Variants in MTRFR observed in about 807,000 individuals in gnomAD.
MTRFR encodes probable peptide chain release factor C12orf65, mitochondrial.
A neutral mutation model predicts 11.9 loss-of-function variants in MTRFR; 10 were observed. The ratio of observed to expected loss-of-function variants is 0.84; its 90% CI spans 0.52 to 1.42. MTRFR has a LOEUF of 1.42. Among genes scored for constraint, MTRFR ranks in the 40% most tolerant of loss-of-function variants. The pLI, the probability that MTRFR is intolerant of heterozygous loss-of-function variation, is 0.00. For missense variants in MTRFR, 196 were observed against 197.9 expected (o/e 0.99, Z 0.06); for synonymous variants, 77 against 79.1 (o/e 0.97, Z 0.14).
At chr12:123,250,579 A>G (rs763099029) in intron 1 of MTRFR, 3 of 152,190 alleles carry the variant, frequency 2.0e-5, no homozygotes, top group Non-Finnish European at 4.4e-5. Flanking sequence ...CCCTTTTCCT[A>G]TGGATGTGGC....
rs544105176 is a variant in MTRFR at position 123,244,930 on chromosome 12, ATTTTTTTTTT to A, written c.-28-8696_-28-8687del. ...ACAGGTATGAGCCACCGCACCCGGC[ATTTTTTTTTT>A]TTTTTTTTTTTTTTTTTTTTAGACA... On this transcript the variant is annotated intron_variant, in intron 1 of 2. Transcript: ENST00000253233. Among the ~76,000 whole-genome samples, 64 of 65,094 alleles carry A rather than the reference ATTTTTTTTTT, an allele frequency of 9.8e-4. 1 individual carries two copies. The highest frequency in any genetic ancestry group is 2.0e-3 in the Admixed American group (11 of 5,428). The allele number at this position is 65,094 out of a possible 152,430, so 42.7% of individuals were successfully genotyped here. A position where few individuals can be genotyped will look rare whatever the true frequency, so the allele number is the denominator to read the frequency against.
At chr12:123,253,357 C>T (rs2048139674) in intron 1 of MTRFR, 1 of 364,082 alleles carries the variant, frequency 2.7e-6, no homozygotes, top group African/African-American at 2.1e-5. Flanking sequence ...CACTCAAAAC[C>T]TCTCCTTTCT....
At chr12:123,246,304 C>G (rs921242855) in intron 1 of MTRFR, among the ~76,000 whole-genome samples, 1 of 152,150 alleles carries the variant, frequency 6.6e-6, no homozygotes, top group Non-Finnish European at 1.5e-5. Flanking sequence ...CCACACTCCT[C>G]GGCCTCCCAA....
At chr12:123,254,106 G>C in intron 2 of MTRFR, 150 bp downstream of exon 2, 1 of 874,066 alleles carries the variant, frequency 1.1e-6, no homozygotes, top group South Asian at 1.7e-5. Context: ...AGAGAGCACC[G>C]CAGATCTCGT....
intron 1 of MTRFR, chr12:123,240,726 CCTT>C (rs2047920918): frequency 9.0e-6 from 1 of 111,728 alleles, no homozygotes; most frequent in Non-Finnish European, 1.8e-5. Context: ...ATTTTATTGA[CCTT>C]TTTTTTTTTT....
At chr12:123,243,611 A>G (rs899962835) in intron 1 of MTRFR, among the ~76,000 whole-genome samples, 1 of 152,024 alleles carries the variant, frequency 6.6e-6, no homozygotes, top group Non-Finnish European at 1.5e-5. Flanking sequence ...AGGCTGAGGC[A>G]GGAGAATCAC....
chr12:123,253,973 C>T lies in MTRFR; in HGVS notation c.282+17C>T, dbSNP rs1197939863. 4.0e-5 allele frequency: 65 copies of T among 1,613,444 alleles called. No homozygotes were observed. The highest frequency in any genetic ancestry group is 4.8e-5 in the Non-Finnish European group (57 of 1,179,722). ...GTTGTAAAGGTAGATCACAGAAGGCCGCTGAGGGGAGAGGCCCCGCCCAAG... is the reference window on the plus strand; with the variant it reads ...GTTGTAAAGGTAGATCACAGAAGGCTGCTGAGGGGAGAGGCCCCGCCCAAG... On this transcript the variant is annotated intron_variant, in intron 2 of 2. Coordinates refer to ENST00000253233, the MANE Select transcript of MTRFR (RefSeq NM_152269.5).
chr12:123,244,921 G>T (rs961075893), intron 1 of MTRFR, among the ~76,000 whole-genome samples: 1 of 119,748 alleles, frequency 8.4e-6, no homozygotes, highest in African/African-American at 3.3e-5. Context: ...ATGAGCCACC[G>T]CACCCGGCAT....
intron 1 of MTRFR, among the ~76,000 whole-genome samples, chr12:123,236,592 CAAAA>C (rs113568323): frequency 9.4e-6 from 1 of 105,914 alleles, no homozygotes; most frequent in Non-Finnish European, 2.0e-5. Flanking sequence ...GACCCTGTCT[CAAAA>C]AAAAAAAAAA....
chr12:123,254,018 A>G, intron 2 of MTRFR, 62 bp downstream of exon 2: 3 of 1,593,062 alleles, frequency 1.9e-6, no homozygotes, highest in Non-Finnish European at 2.6e-6. Context: ...GCCTCCAGAG[A>G]TTTCTCCCAA....
At chr12:123,247,260 C>G (rs2048055896) in intron 1 of MTRFR, among the ~76,000 whole-genome samples, 1 of 152,030 alleles carries the variant, frequency 6.6e-6, no homozygotes, top group Admixed American at 6.6e-5. Flanking sequence ...ACTGAAGTCC[C>G]CCACTATTAT....
At chr12:123,252,920 G>A (rs769184983) in intron 1 of MTRFR, among the ~76,000 whole-genome samples, 1 of 151,958 alleles carries the variant, frequency 6.6e-6, no homozygotes, top group African/African-American at 2.4e-5. Flanking sequence ...GCGAGATTCC[G>A]TCTCAAAAAA....
At chr12:123,255,581 C>T (rs1051730906) in intron 2 of MTRFR, among the ~76,000 whole-genome samples, 1 of 152,024 alleles carries the variant, frequency 6.6e-6, no homozygotes, top group Non-Finnish European at 1.5e-5. Context: ...CTCGGCCTCC[C>T]GAGTAGCTGG....
chr12:123,240,067 A>G (rs1468716344), intron 1 of MTRFR, among the ~76,000 whole-genome samples: 2 of 152,132 alleles, frequency 1.3e-5, no homozygotes, highest in Non-Finnish European at 2.9e-5. Context: ...TGAGCTGGTT[A>G]GAAATGCAGA....
chr12:123,235,314 G>A (rs1370949547), intron 1 of MTRFR, among the ~76,000 whole-genome samples: 11 of 152,250 alleles, frequency 7.2e-5, no homozygotes, highest in African/African-American at 1.9e-4. Flanking sequence ...CACAGAGCTC[G>A]CAATCCTTGG....
chr12:123,236,809 C>G (rs2047857936), intron 1 of MTRFR, among the ~76,000 whole-genome samples: 1 of 152,070 alleles, frequency 6.6e-6, no homozygotes, highest in Admixed American at 6.5e-5. Flanking sequence ...AAATATGGGG[C>G]CGGGCGCGGT....
intron 2 of MTRFR, 53 bp downstream of exon 2, chr12:123,254,009 C>T: frequency 1.2e-6 from 2 of 1,600,530 alleles, no homozygotes; most frequent in Non-Finnish European, 1.7e-6. Context: ...GGTTCCACAG[C>T]CTCCAGAGAT....
chr12:123,248,211 C>T (rs2048068446), intron 1 of MTRFR: 1 of 148,272 alleles, frequency 6.7e-6, no homozygotes, highest in Admixed American at 6.8e-5. Flanking sequence ...ACTATCTTTT[C>T]TTCATATGTG....
At chr12:123,243,181 A>T (rs1428492127) in intron 1 of MTRFR, among the ~76,000 whole-genome samples, 1 of 152,152 alleles carries the variant, frequency 6.6e-6, no homozygotes, top group Non-Finnish European at 1.5e-5. Flanking sequence ...CTCCATTTCA[A>T]AGTATATCCC....
Sources: allele counts gnomAD v4.1 joint callset (sites outside exome capture counted in the v4.1 genomes callset), GRCh38; gene constraint gnomAD v4.1.1; transcripts MANE v1.5; gene names NCBI Gene and HGNC (gene_info 2026-07-23, HGNC 2026-07-21).